Variants in CDK19 observed in about 807,000 individuals in gnomAD.
CDK19 encodes the protein cyclin-dependent kinase 19.
Under a neutral mutation model 68.3 loss-of-function variants are expected in CDK19, and 20 were observed. That is an observed-to-expected ratio of 0.29 (90% CI 0.21 to 0.43). The LOEUF (loss-of-function observed/expected upper bound fraction) is 0.43. CDK19 is among the 20% of genes least tolerant of loss of function. The pLI is 1.00. For missense variants in CDK19, 339 were observed against 623.5 expected, an observed-to-expected ratio of 0.54 and a Z score of 4.86; for synonymous variants, 221 against 222.8, an observed-to-expected ratio of 0.99 and a Z score of 0.07.
intron 2 of CDK19, among the ~76,000 whole-genome samples, chr6:110,683,430 AG>A (rs1342498180): frequency 6.6e-6 from 1 of 152,134 alleles, no homozygotes; most frequent in East Asian, 1.9e-4. Context: ...TTAGAGAGTG[AG>A]GCTGAGTTGG....
chr6:110,680,733 A>G (rs919373490), intron 2 of CDK19, among the ~76,000 whole-genome samples: 1 of 152,208 alleles, frequency 6.6e-6, no homozygotes, highest in Admixed American at 6.5e-5. Flanking sequence ...GCAGTGGCTC[A>G]CACCTGTTAT....
intron 2 of CDK19, 103 bp downstream of exon 2, chr6:110,746,023 T>C (rs1342793128): frequency 9.6e-6 from 5 of 518,692 alleles, no homozygotes; most frequent in East Asian, 3.5e-5. Context: ...CTAACATATG[T>C]AAAATAAACA....
chr6:110,744,332 G>A (rs1384954517), intron 2 of CDK19, among the ~76,000 whole-genome samples: 1 of 151,548 alleles, frequency 6.6e-6, no homozygotes, highest in Admixed American at 6.6e-5. Flanking sequence ...TATAATCAAT[G>A]GAAAATCACC....
At chr6:110,784,158 CAAAAAAAAAAA>C (rs1170140844) in intron 1 of CDK19, among the ~76,000 whole-genome samples, 817 of 61,486 alleles carry the variant, frequency 0.013, 18 homozygotes, top group African/African-American at 0.046. Flanking sequence ...GACTTCGTCT[CAAAAAAAAAAA>C]AAAAAAAAGG....
intron 1 of CDK19, among the ~76,000 whole-genome samples, chr6:110,766,931 C>T (rs765841922): frequency 8.6e-5 from 13 of 151,814 alleles, no homozygotes; most frequent in African/African-American, 1.7e-4. Context: ...GTCAGGAGTT[C>T]GAGATCAGCC....
At chr6:110,778,767 G>A (rs546542002) in intron 1 of CDK19, among the ~76,000 whole-genome samples, 2 of 152,234 alleles carry the variant, frequency 1.3e-5, no homozygotes, top group Non-Finnish European at 2.9e-5. Context: ...TCGCTGCTAC[G>A]ACTGGTCAAT....
Position 110,815,142 on chromosome 6 carries a change from G to C in CDK19, c.-6C>G. Reference sequence around the variant, plus strand: ...GCCTTGAAATCATAATCCATTGTCTGCTTCCCCCATAGAGGCACGGGACGC... The same window carrying C: ...GCCTTGAAATCATAATCCATTGTCTCCTTCCCCCATAGAGGCACGGGACGC... On this transcript the variant is annotated 5_prime_UTR_variant, in exon 1 of 13. Transcript: ENST00000368911. 1 of 1,590,134 alleles carries C rather than the reference G, an allele frequency of 6.3e-7. No individual in the cohort carries two copies. Among genetic ancestry groups the C allele is most frequent in the South Asian group, 1.1e-5 (1 of 88,554 alleles).
At chr6:110,627,820 G>C (rs1779186005) in intron 6 of CDK19, among the ~76,000 whole-genome samples, 1 of 152,164 alleles carries the variant, frequency 6.6e-6, no homozygotes. Context: ...ATCATCATCA[G>C]ACATGGTGAC....
chr6:110,680,949 A>G (rs1166703507), intron 2 of CDK19, among the ~76,000 whole-genome samples: 2 of 152,186 alleles, frequency 1.3e-5, no homozygotes, highest in African/African-American at 4.8e-5. Flanking sequence ...GTGAGCAGAG[A>G]TCGTCCCACT....
intron 1 of CDK19, among the ~76,000 whole-genome samples, chr6:110,806,078 G>A (rs946827180): frequency 6.6e-6 from 1 of 151,992 alleles, no homozygotes; most frequent in Admixed American, 6.6e-5. Flanking sequence ...AGTGGCTGAC[G>A]CTTGTAATCC....
intron 2 of CDK19, among the ~76,000 whole-genome samples, chr6:110,676,001 T>A (rs1771500434): frequency 6.6e-6 from 1 of 152,220 alleles, no homozygotes; most frequent in South Asian, 2.1e-4. Flanking sequence ...CTCGGATGGA[T>A]CTGGGCAAAG....
At chr6:110,732,268 G>A (rs559650206) in intron 2 of CDK19, among the ~76,000 whole-genome samples, 167 of 152,150 alleles carry the variant, frequency 1.1e-3, no homozygotes, top group Middle Eastern at 3.4e-3. Flanking sequence ...GATGGAGGCA[G>A]GTGGATCACT....
intron 2 of CDK19, among the ~76,000 whole-genome samples, chr6:110,694,627 TTAAC>T (rs542466167): frequency 3.1e-4 from 47 of 152,292 alleles, no homozygotes; most frequent in African/African-American, 1.1e-3. Flanking sequence ...ACAAGGGACT[TTAAC>T]TATACCCTAG....
At chr6:110,742,511 C>A (rs193027478) in intron 2 of CDK19, among the ~76,000 whole-genome samples, 2 of 152,050 alleles carry the variant, frequency 1.3e-5, no homozygotes, top group African/African-American at 2.4e-5. Flanking sequence ...CCTGCGGGGT[C>A]AGGCAGAATA....
intron 5 of CDK19, among the ~76,000 whole-genome samples, chr6:110,633,411 G>A (rs2114717032): frequency 6.6e-6 from 1 of 152,286 alleles, no homozygotes; most frequent in East Asian, 1.9e-4. Flanking sequence ...GCTATGGTAG[G>A]AGTATCTACA....
intron 2 of CDK19, among the ~76,000 whole-genome samples, chr6:110,698,560 T>C (rs1773692967): frequency 6.6e-6 from 1 of 152,182 alleles, no homozygotes. Context: ...CTGGTTGGAA[T>C]GTAAATGAGT....
chr6:110,773,337 C>G (rs1443497962), intron 1 of CDK19, among the ~76,000 whole-genome samples: 1 of 148,030 alleles, frequency 6.8e-6, no homozygotes, highest in Non-Finnish European at 1.5e-5. Flanking sequence ...GAGCAAGACT[C>G]TGTCTCAAAA....
At chr6:110,695,505 C>T (rs1419063773) in intron 2 of CDK19, among the ~76,000 whole-genome samples, 1 of 151,916 alleles carries the variant, frequency 6.6e-6, no homozygotes, top group African/African-American at 2.4e-5. Flanking sequence ...AAGATTAGAA[C>T]AGAACTAAAT....
intron 5 of CDK19, among the ~76,000 whole-genome samples, chr6:110,637,166 A>G (rs955924032): frequency 6.6e-6 from 1 of 152,244 alleles, no homozygotes. Flanking sequence ...ATCAAAGTAC[A>G]TATTGCAATG....
Sources: allele counts gnomAD v4.1 joint callset (sites outside exome capture counted in the v4.1 genomes callset), GRCh38; gene constraint gnomAD v4.1.1; transcripts MANE v1.5; gene names NCBI Gene and HGNC (gene_info 2026-07-23, HGNC 2026-07-21).